MMP26: variants seen among roughly 807,000 people sequenced by gnomAD.
MMP26 encodes matrix metalloproteinase-26.
MMP26 carries 33 observed loss-of-function variants against 31.0 expected under a neutral mutation model. The ratio of observed to expected loss-of-function variants is 1.06; its 90% confidence interval spans 0.81 to 1.42. The LOEUF is 1.42. Ranked by LOEUF, MMP26 falls within the 40% of genes most tolerant of loss-of-function variation. MMP26 has a pLI of 0.00. For missense variants in MMP26, 347 were observed against 316.1 expected (o/e 1.10, Z -0.74); for synonymous variants, 122 against 114.9 (o/e 1.06, Z -0.40).
intron 2 of MMP26, among the ~76,000 whole-genome samples, chr11:4,949,612 T>A (rs1846351582): frequency 8.3e-6 from 1 of 119,890 alleles, no homozygotes. Context: ...GAAATAAGAG[T>A]TGAAAAATCA....
At chr11:4,772,506 G>A (rs910509236) in intron 2 of MMP26, among the ~76,000 whole-genome samples, 4 of 152,110 alleles carry the variant, frequency 2.6e-5, no homozygotes, top group Middle Eastern at 3.2e-3. Flanking sequence ...TTCAAACACT[G>A]AGTTTTCCCC....
At chr11:4,890,882 T>C (rs76308126) in intron 2 of MMP26, among the ~76,000 whole-genome samples, 4,238 of 151,618 alleles carry the variant, frequency 0.028, 208 homozygotes, top group African/African-American at 0.095. Flanking sequence ...CAAATTCCTC[T>C]TGTGTTATTA....
At chr11:4,855,275 G>A (rs934194574) in intron 2 of MMP26, among the ~76,000 whole-genome samples, 1 of 152,140 alleles carries the variant, frequency 6.6e-6, no homozygotes, top group African/African-American at 2.4e-5. Context: ...ACTTCTCTGA[G>A]CTAAAGGAGG....
intron 1 of MMP26, chr11:4,751,948 A>C (rs1848451839): frequency 6.6e-6 from 1 of 152,192 alleles, no homozygotes. Flanking sequence ...ACTCAACTCT[A>C]AAATTGCATG....
At chr11:4,781,750 C>T (rs1276438040) in intron 2 of MMP26, among the ~76,000 whole-genome samples, 2 of 152,014 alleles carry the variant, frequency 1.3e-5, no homozygotes, top group Non-Finnish European at 2.9e-5. Flanking sequence ...TCCCATAATT[C>T]CCACCTGTTG....
intron 1 of MMP26, among the ~76,000 whole-genome samples, chr11:4,754,513 G>A (rs1367171943): frequency 1.3e-5 from 2 of 151,774 alleles, no homozygotes; most frequent in Non-Finnish European, 2.9e-5. Flanking sequence ...AATCCGTTGT[G>A]GAAATGACAT....
chr11:4,920,680 G>C (rs531515388), intron 2 of MMP26, among the ~76,000 whole-genome samples: 1 of 152,272 alleles, frequency 6.6e-6, no homozygotes, highest in African/African-American at 2.4e-5. Context: ...GTGCAGTTCT[G>C]TCAAGGACTT....
At chr11:4,799,253 G>A (rs1356181829) in intron 2 of MMP26, among the ~76,000 whole-genome samples, 1 of 152,206 alleles carries the variant, frequency 6.6e-6, no homozygotes, top group Non-Finnish European at 1.5e-5. Flanking sequence ...GACTGTACGA[G>A]CATGGCACCA....
At chr11:4,821,484 C>A (rs1320800261) in intron 2 of MMP26, 1 of 1,612,780 alleles carries the variant, frequency 6.2e-7, no homozygotes, top group Non-Finnish European at 8.5e-7. Context: ...GCATTCCAGG[C>A]CTGAAAGCCA....
At position 4,948,210 on chromosome 11, in the gene MMP26, C is replaced by T. The variant is rs556170696; in HGVS notation, c.-144-39858C>T. Reference sequence around the variant, plus strand: ...GTTTAAGAATCTACAAGCCAAAAATCTGAGCTTCTTTGTCTTACACACAAT... The same window carrying T: ...GTTTAAGAATCTACAAGCCAAAAATTTGAGCTTCTTTGTCTTACACACAAT... On this transcript the variant is annotated intron_variant, in intron 2 of 7. Transcript: ENST00000380390. 2.2e-4 allele frequency among the ~76,000 whole-genome samples: 28 copies of T among 125,432 alleles called. 6 individuals are homozygous for T. The highest frequency in any genetic ancestry group is 7.6e-4 in the African/African-American group (28 of 37,008). 82.3% of individuals were successfully genotyped at this position (125,432 alleles called of 152,430 possible).
At chr11:4,753,544 T>C (rs1182970958) in intron 1 of MMP26, among the ~76,000 whole-genome samples, 2 of 152,138 alleles carry the variant, frequency 1.3e-5, no homozygotes, top group South Asian at 2.1e-4. Context: ...ATAATAGATA[T>C]TCAGTATGCA....
chr11:4,919,913 A>AG (rs1328308811), intron 2 of MMP26, among the ~76,000 whole-genome samples: 1 of 152,102 alleles, frequency 6.6e-6, no homozygotes, highest in Non-Finnish European at 1.5e-5. Flanking sequence ...ATCCACTCAG[A>AG]ACTCAGTCCT....
intron 2 of MMP26, among the ~76,000 whole-genome samples, chr11:4,975,114 T>C (rs1846719708): frequency 6.6e-6 from 1 of 151,946 alleles, no homozygotes; most frequent in Non-Finnish European, 1.5e-5. Context: ...GAACTTAAAA[T>C]GAAATAACAT....
chr11:4,833,941 G>A (rs1194980919), intron 2 of MMP26, among the ~76,000 whole-genome samples: 7 of 152,006 alleles, frequency 4.6e-5, no homozygotes, highest in Non-Finnish European at 1.0e-4. Context: ...CAAGAGTTAC[G>A]AATTATTCAA....
At chr11:4,943,445 G>A (rs986679951) in intron 2 of MMP26, 5 of 455,450 alleles carry the variant, frequency 1.1e-5, no homozygotes, top group Non-Finnish European at 2.2e-5. Context: ...TTAACCATGG[G>A]GCTTAATCAT....
intron 2 of MMP26, among the ~76,000 whole-genome samples, chr11:4,911,154 A>G (rs1300155436): frequency 6.6e-6 from 1 of 152,198 alleles, no homozygotes; most frequent in Non-Finnish European, 1.5e-5. Context: ...TCAGTTTACC[A>G]CTTGAATATT....
chr11:4,851,128 A>G lies in MMP26; in HGVS notation c.-145+83787A>G, dbSNP rs191639081. ...TTGACACCCTGGAAATCCATTAGAG[A>G]TATAAGCTTGTTTATTGAAACGACT... is the stretch of plus-strand genomic sequence containing the variant. On this transcript the variant is annotated intron_variant, in intron 2 of 7. Coordinates refer to ENST00000380390, the MANE Select transcript of MMP26 (RefSeq NM_021801.5). Among the ~76,000 whole-genome samples, 85 of 152,248 alleles carry G rather than the reference A, an allele frequency of 5.6e-4. 1 individual carries two copies. Among genetic ancestry groups the G allele is most frequent in the Middle Eastern group, 3.4e-3 (1 of 294 alleles).
intron 2 of MMP26, among the ~76,000 whole-genome samples, chr11:4,883,442 CTCTA>C (rs1249348039): frequency 6.6e-5 from 10 of 152,078 alleles, no homozygotes. Context: ...CTCCCTATAC[CTCTA>C]TCTTTCTTTA....
intron 2 of MMP26, among the ~76,000 whole-genome samples, chr11:4,972,107 T>G (rs1228132943): frequency 6.6e-6 from 1 of 152,144 alleles, no homozygotes; most frequent in African/African-American, 2.4e-5. Context: ...CAAGCCAGAA[T>G]TATCACATAT....
Sources: gnomAD v4.1 joint callset for allele counts (sites outside exome capture counted in the v4.1 genomes callset) on GRCh38, gnomAD v4.1.1 for gene constraint, MANE v1.5 for transcripts, NCBI Gene and HGNC (gene_info 2026-07-23, HGNC 2026-07-21) for gene names.